Variants in RBFOX1 observed in about 807,000 individuals in gnomAD.
RBFOX1 encodes RNA binding fox-1 homolog 1.
A neutral mutation model predicts 57.7 loss-of-function variants in RBFOX1; 8 were observed. The ratio of observed to expected loss-of-function variants is 0.14; its 90% CI spans 0.08 to 0.25. The LOEUF is 0.25. Ranked by LOEUF, RBFOX1 falls within the 10% of genes least tolerant of loss-of-function variation. RBFOX1 has a pLI of 1.00. For missense variants in RBFOX1, 611 were observed against 548.5 expected (o/e 1.11, Z -1.14); for synonymous variants, 326 against 222.4 (o/e 1.47, Z -4.15).
chr16:5,439,518 ATAGGTATCTCGTAGG>A (rs1190189943), intron 1 of RBFOX1, among the ~76,000 whole-genome samples: 5 of 152,258 alleles, frequency 3.3e-5, no homozygotes, highest in African/African-American at 1.2e-4. Context: ...CAAATGCATG[ATAGGTATCTCGTAGG>A]TAGAACCGGG....
intron 1 of RBFOX1, among the ~76,000 whole-genome samples, chr16:6,221,990 T>C (rs2097377035): frequency 1.3e-5 from 2 of 152,188 alleles, no homozygotes; most frequent in Non-Finnish European, 2.9e-5. Context: ...GAAGCAGTGG[T>C]CCTTCTTCAT....
At position 6,382,281 on chromosome 16, in the gene RBFOX1, C is replaced by T. The variant is rs577197656; in HGVS notation, c.-64+65224C>T. Reference sequence around the variant, plus strand: ...GTCTGAAAGCATAGTTTGTTGGTCCCGTCCTAAAGTTTAGCACAGGGCCTG... The same window carrying T: ...GTCTGAAAGCATAGTTTGTTGGTCCTGTCCTAAAGTTTAGCACAGGGCCTG... On this transcript the variant is annotated intron_variant, in intron 2 of 15. Transcript: ENST00000550418. Among the ~76,000 whole-genome samples, 9 of 152,292 alleles carry T rather than the reference C, an allele frequency of 5.9e-5. No individual in the cohort carries two copies. The South Asian group carries it at 8.3e-4, about 14-fold the overall frequency.
chr16:7,369,952 C>A (rs1244164346), intron 4 of RBFOX1, among the ~76,000 whole-genome samples: 2 of 152,202 alleles, frequency 1.3e-5, no homozygotes, highest in African/African-American at 4.8e-5. Flanking sequence ...CTTGAAGCCA[C>A]CATGCTATTA....
At chr16:6,353,837 C>T (rs1006976167) in intron 2 of RBFOX1, among the ~76,000 whole-genome samples, 4 of 152,156 alleles carry the variant, frequency 2.6e-5, no homozygotes, top group African/African-American at 9.7e-5. Context: ...CCACATGACA[C>T]GTTCCTGGGC....
chr16:7,648,671 A>G (rs1315206552), intron 11 of RBFOX1, among the ~76,000 whole-genome samples: 1 of 152,194 alleles, frequency 6.6e-6, no homozygotes, highest in African/African-American at 2.4e-5. Flanking sequence ...GGGTTGTCAG[A>G]GAGCATGGTC....
intron 3 of RBFOX1, among the ~76,000 whole-genome samples, chr16:6,695,223 C>T (rs2060837618): frequency 1.3e-5 from 2 of 151,856 alleles, no homozygotes; most frequent in South Asian, 4.1e-4. Context: ...AGTTTGAGAC[C>T]AGCTTGGCCA....
intron 3 of RBFOX1, among the ~76,000 whole-genome samples, chr16:6,862,781 TGAA>T (rs1317223505): frequency 6.6e-6 from 1 of 152,034 alleles, no homozygotes; most frequent in Admixed American, 6.6e-5. Context: ...GGTCAGGAGT[TGAA>T]GATCAGCCTG....
At chr16:5,858,471 C>G (rs1229655684) in intron 3 of RBFOX1, among the ~76,000 whole-genome samples, 2 of 152,192 alleles carry the variant, frequency 1.3e-5, no homozygotes, top group African/African-American at 2.4e-5. Flanking sequence ...TTGCCAGGCC[C>G]TCCCTGATCA....
At chr16:6,299,368 A>C (rs539662333) in intron 1 of RBFOX1, among the ~76,000 whole-genome samples, 1 of 152,164 alleles carries the variant, frequency 6.6e-6, no homozygotes, top group East Asian at 1.9e-4. Flanking sequence ...TAAATTCATC[A>C]ATTCATGTAA....
At chr16:6,006,902 G>A (rs1204543928) in intron 4 of RBFOX1, among the ~76,000 whole-genome samples, 1 of 152,144 alleles carries the variant, frequency 6.6e-6, no homozygotes, top group African/African-American at 2.4e-5. Flanking sequence ...TGTCACATGG[G>A]TCCGCCTTCT....
At chr16:5,984,559 C>G (rs2060244019) in intron 4 of RBFOX1, among the ~76,000 whole-genome samples, 1 of 152,084 alleles carries the variant, frequency 6.6e-6, no homozygotes, top group Admixed American at 6.6e-5. Flanking sequence ...ACCCTTGGAA[C>G]AATCTTATGA....
chr16:7,517,173 GT>G (rs2076548586), intron 4 of RBFOX1, among the ~76,000 whole-genome samples: 1 of 150,940 alleles, frequency 6.6e-6, no homozygotes, highest in Middle Eastern at 3.2e-3. Flanking sequence ...GTGTGTGTGT[GT>G]GTGTGTGTGT....
chr16:5,633,061 C>T (rs760480440), intron 3 of RBFOX1, among the ~76,000 whole-genome samples: 1 of 151,742 alleles, frequency 6.6e-6, no homozygotes, highest in South Asian at 2.1e-4. Context: ...GCCTCAGCCT[C>T]CTGAGTAGCT....
At chr16:5,880,083 T>C (rs1017484151) in intron 4 of RBFOX1, among the ~76,000 whole-genome samples, 6 of 152,204 alleles carry the variant, frequency 3.9e-5, no homozygotes, top group African/African-American at 1.4e-4. Context: ...TCTATTCTCA[T>C]CTCAGTTCTG....
chr16:6,061,098 C>A (rs1180439899), intron 1 of RBFOX1, among the ~76,000 whole-genome samples: 1 of 152,090 alleles, frequency 6.6e-6, no homozygotes, highest in East Asian at 1.9e-4. Flanking sequence ...CCTGATTGGC[C>A]CAGGTCTTTT....
At chr16:7,332,951 C>G (rs760421306) in intron 4 of RBFOX1, 5 of 1,612,048 alleles carry the variant, frequency 3.1e-6, no homozygotes, top group Non-Finnish European at 4.2e-6. Flanking sequence ...TTCCCCCTAA[C>G]TCTCCATTGA....
intron 4 of RBFOX1, among the ~76,000 whole-genome samples, chr16:7,406,103 T>G (rs2098335706): frequency 6.6e-6 from 1 of 152,158 alleles, no homozygotes; most frequent in Admixed American, 6.5e-5. Context: ...AGGTGAAGGC[T>G]TTCTTGGCAA....
At chr16:6,103,007 G>A (rs2152560638) in intron 1 of RBFOX1, among the ~76,000 whole-genome samples, 1 of 152,248 alleles carries the variant, frequency 6.6e-6, no homozygotes, top group Non-Finnish European at 1.5e-5. Flanking sequence ...TTTCATAATT[G>A]TGAGCAACCA....
At chr16:6,568,081 G>C (rs1458137587) in intron 2 of RBFOX1, among the ~76,000 whole-genome samples, 5 of 152,156 alleles carry the variant, frequency 3.3e-5, no homozygotes, top group Non-Finnish European at 5.9e-5. Context: ...TAAGGTCTTT[G>C]ACAGTGCAGC....
Sources: gnomAD v4.1 joint callset for allele counts (sites outside exome capture counted in the v4.1 genomes callset) on GRCh38, gnomAD v4.1.1 for gene constraint, MANE v1.5 for transcripts, NCBI Gene and HGNC (gene_info 2026-07-23, HGNC 2026-07-21) for gene names.